The following PALS2 variants were observed in gnomAD, a reference collection of about 807,000 sequenced individuals.
The protein encoded by PALS2 is protein associated with LIN7 2, MAGUK p55 family member, also known as protein PALS2.
PALS2 carries 27 observed loss-of-function variants against 61.6 expected under a neutral mutation model. That is an observed-to-expected ratio of 0.44 (90% CI 0.32 to 0.60). The LOEUF is 0.60. PALS2 is among the 20% of genes least tolerant of loss of function. PALS2 has a pLI of 0.05. For synonymous variants in PALS2, 236 were observed against 218.6 expected (o/e 1.08, Z -0.70); for missense variants, 554 against 639.4 (o/e 0.87, Z 1.44).
At chr7:24,595,518 T>TATATATAATATATA (rs1198297630) in intron 1 of PALS2, among the ~76,000 whole-genome samples, 1 of 91,084 alleles carries the variant, frequency 1.1e-5, no homozygotes, top group Non-Finnish European at 2.0e-5. Flanking sequence ...TAATATATAA[T>TATATATAATATATA]ATATATAATA....
intron 11 of PALS2, among the ~76,000 whole-genome samples, chr7:24,685,483 C>A (rs1040946636): frequency 2.0e-5 from 3 of 152,054 alleles, no homozygotes; most frequent in Admixed American, 1.3e-4. Flanking sequence ...GCAAGTGTGC[C>A]TGTGTCTCCT....
chr7:24,680,641 G>A (rs1787873882), intron 11 of PALS2, 121 bp downstream of exon 11: 1 of 1,279,514 alleles, frequency 7.8e-7, no homozygotes, highest in East Asian at 2.8e-5. Flanking sequence ...TGTCACCCAG[G>A]CTGGAGTGCA....
At position 24,573,458 on chromosome 7, in the gene PALS2, C is replaced by T. The variant is rs546561191; in HGVS notation, c.-138C>T. 2.4e-5 allele frequency: 9 copies of T among 382,450 alleles called. No homozygotes were observed. Among genetic ancestry groups the T allele is most frequent in the African/African-American group, 1.5e-4 (7 of 47,600 alleles). The allele number at this position is 382,450 out of a possible 1,614,324, so 23.7% of individuals were successfully genotyped here. On this transcript the variant is annotated 5_prime_UTR_variant, in exon 1 of 12. Coordinates refer to ENST00000222644, the MANE Select transcript of PALS2 (RefSeq NM_001303037.2). The surrounding 1 kb of genome is among the most constrained non-coding windows in gnomAD (Gnocchi z 5.3). ...GCGGAGGGCAGTGAGAGACGCATTT[C>T]CAGTTCTCAACTACGAGCCACGAGT... is the stretch of plus-strand genomic sequence containing the variant.
In PALS2 at chr7:24,687,506, T is replaced by G. The variant is rs1562669696; in HGVS notation, c.1515T>G (p.Asp505Glu). ...RIQRAYNHYF[D>E]LIIINDNLDK... Reference sequence around the variant, plus strand: ...AGAGAGCATACAACCACTATTTTGATTTGATCATCATAAATGATAATCTAG... The same window carrying G: ...AGAGAGCATACAACCACTATTTTGAGTTGATCATCATAAATGATAATCTAG... Residue 505 changes from aspartate (D) to glutamate (E), a missense_variant, in exon 12 of 12, where the codon GAT (aspartate) becomes GAG (glutamate). Physicochemically the swap from Asp to Glu is conservative, Grantham distance 45 (BLOSUM62 2). Coordinates refer to ENST00000222644, the MANE Select transcript of PALS2 (RefSeq NM_001303037.2). This position sits in a 1 kb window ranked among gnomAD's most constrained non-coding sequence, Gnocchi z 4.5. 1 of 1,613,162 alleles carries G rather than the reference T, an allele frequency of 6.2e-7. No individual in the cohort carries two copies.
chr7:24,574,042 CCGGCCTGGGGG>C (rs1398201373), intron 1 of PALS2: 1 of 152,096 alleles, frequency 6.6e-6, no homozygotes, highest in African/African-American at 2.4e-5. Flanking sequence ...GAATGGAGAG[CCGGCCTGGGGG>C]CGGCGTTGCT....
At chr7:24,624,099 A>G in intron 2 of PALS2, 15 of 1,319,682 alleles carry the variant, frequency 1.1e-5, no homozygotes, top group Non-Finnish European at 1.5e-5. Context: ...TTCCATTTTC[A>G]ACAATGGCAA....
rs1783538100 is a variant in PALS2, at chr7:24,596,712, A to T, written c.-3+23119A>T. The stretch of plus-strand genomic sequence containing the variant: ...TTATTTGAGCTCTGTTTAAAAAGGA[A>T]AAAAAGGACTCTCCGTATATCTAGC... On this transcript the variant is annotated intron_variant, in intron 1 of 11. Coordinates refer to ENST00000222644, the MANE Select transcript of PALS2 (RefSeq NM_001303037.2). The surrounding 1 kb of genome is among the most constrained non-coding windows in gnomAD (Gnocchi z 4.5). 6.6e-6 allele frequency among the ~76,000 whole-genome samples: 1 copy of T among 152,166 alleles called. No individual in the cohort carries two copies. Among genetic ancestry groups the T allele is most frequent in the African/African-American group, 2.4e-5 (1 of 41,432 alleles).
intron 6 of PALS2, among the ~76,000 whole-genome samples, chr7:24,665,370 C>T (rs1396051348): frequency 6.6e-6 from 1 of 152,172 alleles, no homozygotes; most frequent in East Asian, 1.9e-4. Context: ...CCCCACATTT[C>T]ACTACCAGAT....
At chr7:24,683,244 T>C (rs907476073) in intron 11 of PALS2, among the ~76,000 whole-genome samples, 4 of 152,170 alleles carry the variant, frequency 2.6e-5, no homozygotes, top group African/African-American at 9.7e-5. Flanking sequence ...CCTCATCAAG[T>C]AGTTGATTAT....
intron 2 of PALS2, among the ~76,000 whole-genome samples, chr7:24,626,833 A>G (rs1279446996): frequency 6.6e-6 from 1 of 152,226 alleles, no homozygotes; most frequent in Non-Finnish European, 1.5e-5. Context: ...TATCCTAAGT[A>G]TATATGTACC....
At chr7:24,659,878 C>G (rs1786624997) in intron 5 of PALS2, among the ~76,000 whole-genome samples, 1 of 152,166 alleles carries the variant, frequency 6.6e-6, no homozygotes, top group South Asian at 2.1e-4. Context: ...CTCTGTGCAG[C>G]CTTTCCTCAC....
In PALS2 at chr7:24,638,239, A is replaced by G. The variant is rs1170092653; in HGVS notation, c.118-3477A>G. On this transcript the variant is annotated intron_variant, in intron 2 of 11. Transcript: ENST00000222644. ...GTAAAATTGATCCCAGTTGAATCCA[A>G]GTATGTTGGTTTTCCATGTTAATAT... is the stretch of plus-strand genomic sequence containing the variant. 2.6e-5 allele frequency among the ~76,000 whole-genome samples: 4 copies of G among 151,526 alleles called. No individual in the cohort carries two copies. The East Asian group carries it at 7.7e-4, about 29-fold the overall frequency.
intron 11 of PALS2, among the ~76,000 whole-genome samples, chr7:24,683,253 A>T (rs116977738): frequency 0.023 from 3,574 of 152,314 alleles, 56 homozygotes; most frequent in Non-Finnish European, 0.033. Flanking sequence ...GTAGTTGATT[A>T]TTCTGAGGTA....
chr7:24,604,203 G>A (rs1783813272), intron 1 of PALS2, among the ~76,000 whole-genome samples: 1 of 104,210 alleles, frequency 9.6e-6, no homozygotes, highest in South Asian at 3.1e-4. Context: ...TAAAGACCCT[G>A]TTTCTTTCAA....
intron 1 of PALS2, among the ~76,000 whole-genome samples, chr7:24,588,538 G>A (rs1783160732): frequency 1.3e-5 from 2 of 152,004 alleles, no homozygotes; most frequent in Non-Finnish European, 2.9e-5. Context: ...GCTAGTTCTT[G>A]AGTCCAGATT....
chr7:24,588,705 A>G (rs1156428778), intron 1 of PALS2, among the ~76,000 whole-genome samples: 2 of 152,222 alleles, frequency 1.3e-5, no homozygotes, highest in Non-Finnish European at 2.9e-5. Context: ...CTACATACAA[A>G]AAGACTTTAT....
At position 24,688,221 on chromosome 7, in the gene PALS2, A is replaced by G. The variant is rs1293295544; in HGVS notation, c.*607A>G. ...TATGGCTATCCATTCTAATTTATAC[A>G]GCTATATTAGTTTTGTCTCTTCATT... On this transcript the variant is annotated 3_prime_UTR_variant, in exon 12 of 12. Coordinates refer to ENST00000222644, the MANE Select transcript of PALS2 (RefSeq NM_001303037.2). The G allele has an allele frequency of 1.3e-5, 2 of 152,216 alleles. No homozygotes were observed. The highest frequency in any genetic ancestry group is 3.8e-4 in the East Asian group (2 of 5,198). The allele number at this position is 152,216 out of a possible 1,614,324, so 9.4% of individuals were successfully genotyped here.
At chr7:24,593,213 C>G (rs950990773) in intron 1 of PALS2, among the ~76,000 whole-genome samples, 1 of 152,094 alleles carries the variant, frequency 6.6e-6, no homozygotes, top group African/African-American at 2.4e-5. Context: ...AACTCCTCTT[C>G]TGTTAAAGTT....
chr7:24,681,761 G>C (rs1033163148), intron 11 of PALS2, among the ~76,000 whole-genome samples: 1 of 151,886 alleles, frequency 6.6e-6, no homozygotes, highest in Non-Finnish European at 1.5e-5. Flanking sequence ...CCACACATTC[G>C]CCTGTGCTCC....
Sources: allele counts gnomAD v4.1 joint callset (sites outside exome capture counted in the v4.1 genomes callset), GRCh38; gene constraint gnomAD v4.1.1; non-coding constraint Gnocchi (gnomAD v3.1); transcripts MANE v1.5; gene names NCBI Gene and HGNC (gene_info 2026-07-23, HGNC 2026-07-21).